CNTNAP4: variants seen among roughly 807,000 people sequenced by gnomAD.
CNTNAP4 encodes contactin associated protein family member 4, also known as contactin-associated protein-like 4.
A neutral mutation model predicts 148.4 loss-of-function variants in CNTNAP4; 98 were observed. That is an observed-to-expected ratio of 0.66 (90% confidence interval 0.56 to 0.78). The LOEUF (loss-of-function observed/expected upper bound fraction) is 0.78. CNTNAP4 is among the 30% of genes least tolerant of loss of function. The pLI, the probability that CNTNAP4 is intolerant of heterozygous loss-of-function variation, is 0.00. For synonymous variants in CNTNAP4, 730 were observed against 565.1 expected (o/e 1.29, Z -4.14); for missense variants, 1,935 against 1,565.6 (o/e 1.24, Z -3.98).
At chr16:76,504,823 A>G (rs865872249) in intron 15 of CNTNAP4, among the ~76,000 whole-genome samples, 4 of 152,208 alleles carry the variant, frequency 2.6e-5, no homozygotes, top group African/African-American at 9.6e-5. Flanking sequence ...ACATCACAGA[A>G]AAAATATGGA....
chr16:76,522,934 T>C (rs981225910), intron 17 of CNTNAP4, among the ~76,000 whole-genome samples: 1 of 151,302 alleles, frequency 6.6e-6, no homozygotes, highest in Non-Finnish European at 1.5e-5. Flanking sequence ...GGCTAATTTG[T>C]TTGTATTTTT....
chr16:76,299,033 A>G (rs1187658295), intron 1 of CNTNAP4, among the ~76,000 whole-genome samples: 1 of 152,260 alleles, frequency 6.6e-6, no homozygotes. Flanking sequence ...ATCTAAAACC[A>G]TAAAAACCCT....
chr16:76,489,305 T>C (rs897133045), intron 12 of CNTNAP4, among the ~76,000 whole-genome samples: 1 of 152,160 alleles, frequency 6.6e-6, no homozygotes, highest in African/African-American at 2.4e-5. Flanking sequence ...AGGCAGCATT[T>C]TTCCTTTCTT....
At chr16:76,473,465 G>C (rs913274528) in intron 10 of CNTNAP4, among the ~76,000 whole-genome samples, 1 of 151,988 alleles carries the variant, frequency 6.6e-6, no homozygotes, top group African/African-American at 2.4e-5. Flanking sequence ...AATTCTGTAA[G>C]CAAAATGTAA....
intron 2 of CNTNAP4, among the ~76,000 whole-genome samples, chr16:76,341,281 A>G (rs1417709421): frequency 1.3e-5 from 2 of 152,306 alleles, no homozygotes; most frequent in East Asian, 1.9e-4. Flanking sequence ...CATTTTTCTC[A>G]GACAAATACA....
chr16:76,302,950 G>C (rs1306242966), intron 1 of CNTNAP4, among the ~76,000 whole-genome samples: 1 of 152,140 alleles, frequency 6.6e-6, no homozygotes, highest in Non-Finnish European at 1.5e-5. Flanking sequence ...CTGGTAGGGG[G>C]TGTAGTCTTG....
At chr16:76,458,281 T>A (rs2080811392) in intron 8 of CNTNAP4, among the ~76,000 whole-genome samples, 1 of 152,170 alleles carries the variant, frequency 6.6e-6, no homozygotes, top group Non-Finnish European at 1.5e-5. Flanking sequence ...TCTTTTTTGG[T>A]CAGTGGTCCT....
At chr16:76,310,713 A>C (rs1961006294) in intron 1 of CNTNAP4, among the ~76,000 whole-genome samples, 1 of 152,190 alleles carries the variant, frequency 6.6e-6, no homozygotes, top group Non-Finnish European at 1.5e-5. Flanking sequence ...CAGGCATGCA[A>C]CTAATTTTGG....
At chr16:76,298,174 G>T (rs372125412) in intron 1 of CNTNAP4, among the ~76,000 whole-genome samples, 1 of 152,174 alleles carries the variant, frequency 6.6e-6, no homozygotes, top group East Asian at 1.9e-4. Flanking sequence ...CTTATACAGG[G>T]TGCCATAAAG....
intron 9 of CNTNAP4, among the ~76,000 whole-genome samples, chr16:76,466,717 T>C (rs1171951799): frequency 6.6e-6 from 1 of 152,022 alleles, no homozygotes; most frequent in Non-Finnish European, 1.5e-5. Flanking sequence ...AAAAAATCAA[T>C]ATAGATGAAA....
intron 4 of CNTNAP4, among the ~76,000 whole-genome samples, chr16:76,433,946 A>G (rs917997046): frequency 6.6e-6 from 1 of 151,950 alleles, no homozygotes; most frequent in Non-Finnish European, 1.5e-5. Context: ...ATTCTTTGCA[A>G]AATTTATAAT....
intron 3 of CNTNAP4, among the ~76,000 whole-genome samples, chr16:76,366,113 G>T (rs968111787): frequency 6.6e-6 from 1 of 151,720 alleles, no homozygotes; most frequent in Non-Finnish European, 1.5e-5. Context: ...TACCTTTTTA[G>T]TTTCGTGTCA....
intron 3 of CNTNAP4, among the ~76,000 whole-genome samples, chr16:76,365,645 G>A (rs1220078379): frequency 6.6e-6 from 1 of 151,522 alleles, no homozygotes; most frequent in African/African-American, 2.4e-5. Flanking sequence ...CCAGCTACTT[G>A]CGAGGCTGAG....
At chr16:76,280,660 A>G (rs994105711) in intron 1 of CNTNAP4, among the ~76,000 whole-genome samples, 1 of 152,180 alleles carries the variant, frequency 6.6e-6, no homozygotes, top group Non-Finnish European at 1.5e-5. Context: ...ATGAGCTTTT[A>G]CAATTATATT....
Position 76,277,642 on chromosome 16 carries a change from G to C in CNTNAP4, c.-21G>C, listed in dbSNP as rs774429951. The C allele has an allele frequency of 5.0e-5, 78 of 1,564,588 alleles. No individual in the cohort carries two copies. Among genetic ancestry groups the C allele is most frequent in the Non-Finnish European group, 3.5e-6 (4 of 1,145,038 alleles). On this transcript the variant is annotated 5_prime_UTR_variant, in exon 1 of 24. Transcript: ENST00000611870. ...CTGAGAGCCTCTCAAGATCTTTTGG[G>C]GGAGCCCAATAAATGTGAACATGGG...
At chr16:76,348,167 A>T in intron 2 of CNTNAP4, among the ~76,000 whole-genome samples, 1 of 152,098 alleles carries the variant, frequency 6.6e-6, no homozygotes, top group Middle Eastern at 3.4e-3. Context: ...TATGAGAGAA[A>T]GAAAGGGGTC....
intron 3 of CNTNAP4, among the ~76,000 whole-genome samples, chr16:76,410,429 C>T (rs940174262): frequency 6.6e-6 from 1 of 151,748 alleles, no homozygotes; most frequent in Non-Finnish European, 1.5e-5. Flanking sequence ...TCAAGATACC[C>T]ATGGGTATGT....
chr16:76,405,347 T>C lies in CNTNAP4; in HGVS notation c.391-22105T>C, dbSNP rs140236968. Among the ~76,000 whole-genome samples, 166 of 152,310 alleles carry C rather than the reference T, an allele frequency of 1.1e-3. 2 individuals carry two copies. The East Asian group carries it at 0.026, about 24-fold the overall frequency. On this transcript the variant is annotated intron_variant, in intron 3 of 23. Coordinates refer to ENST00000611870, the MANE Select transcript of CNTNAP4 (RefSeq NM_033401.5). ...AAAATAAAACAGGGAATTGCAACTTTCCAAATCATCAATTTCTAAATAAAT... is the reference window on the plus strand; with the variant it reads ...AAAATAAAACAGGGAATTGCAACTTCCCAAATCATCAATTTCTAAATAAAT...
intron 3 of CNTNAP4, among the ~76,000 whole-genome samples, chr16:76,402,220 T>C (rs1186093942): frequency 2.6e-5 from 4 of 152,110 alleles, no homozygotes; most frequent in African/African-American, 9.7e-5. Context: ...TGGAGCTCAT[T>C]ATTGGTCTGT....
Sources: gnomAD v4.1 joint callset for allele counts (sites outside exome capture counted in the v4.1 genomes callset) on GRCh38, gnomAD v4.1.1 for gene constraint, MANE v1.5 for transcripts, NCBI Gene and HGNC (gene_info 2026-07-23, HGNC 2026-07-21) for gene names.